Variants in QTMAN observed in about 807,000 individuals in gnomAD.
QTMAN encodes queuosine-tRNA mannosyltransferase, also known as tRNA-queuosine alpha-mannosyltransferase.
At chr2:144,197,889 C>T in the QTMAN span, among the ~76,000 whole-genome samples, 1 of 152,150 alleles carries the variant, frequency 6.6e-6, no homozygotes, top group African/African-American at 2.4e-5. Flanking sequence ...TTATAGCACT[C>T]GTTGGTGTTT....
At chr2:144,300,468 G>A in the QTMAN span, among the ~76,000 whole-genome samples, 1 of 152,108 alleles carries the variant, frequency 6.6e-6, no homozygotes, top group Non-Finnish European at 1.5e-5. Context: ...TTAAAATTGT[G>A]TACAGATGTT....
the QTMAN span, among the ~76,000 whole-genome samples, chr2:144,171,852 T>G: frequency 1.3e-5 from 2 of 152,064 alleles, no homozygotes; most frequent in Non-Finnish European, 2.9e-5. Flanking sequence ...TAGAGAAAAC[T>G]TGGAATTTCC....
At chr2:144,012,030 G>A in the QTMAN span, among the ~76,000 whole-genome samples, 2 of 151,818 alleles carry the variant, frequency 1.3e-5, no homozygotes, top group African/African-American at 4.8e-5. Context: ...AGAAATATTC[G>A]GATTGCCATA....
the QTMAN span, chr2:144,208,612 T>C: frequency 4.3e-6 from 7 of 1,613,098 alleles, no homozygotes; most frequent in Non-Finnish European, 5.1e-6. Flanking sequence ...CCTGTAATGC[T>C]CACTGATGGG....
At chr2:144,042,323 CAATT>C in the QTMAN span, among the ~76,000 whole-genome samples, 1 of 151,970 alleles carries the variant, frequency 6.6e-6, no homozygotes, top group African/African-American at 2.4e-5. Context: ...ATTCCATTGT[CAATT>C]AAGAGAGCTT....
At chr2:144,199,445 T>C in the QTMAN span, among the ~76,000 whole-genome samples, 2 of 152,204 alleles carry the variant, frequency 1.3e-5, no homozygotes, top group African/African-American at 4.8e-5. Flanking sequence ...TATACATACA[T>C]GTCCTATGTC....
At chr2:144,113,230 T>C in the QTMAN span, among the ~76,000 whole-genome samples, 1 of 150,682 alleles carries the variant, frequency 6.6e-6, no homozygotes, top group African/African-American at 2.4e-5. Context: ...AAACAGAAAG[T>C]TTCAGAAAAA....
At chr2:144,062,226 C>T in the QTMAN span, among the ~76,000 whole-genome samples, 2,086 of 152,326 alleles carry the variant, frequency 0.014, 97 homozygotes, top group East Asian at 0.14. Context: ...AGCACTCACC[C>T]CGCCTCCTGC....
chr2:144,254,022 C>A, the QTMAN span, among the ~76,000 whole-genome samples: 3 of 152,242 alleles, frequency 2.0e-5, no homozygotes, highest in Non-Finnish European at 4.4e-5. Context: ...CCAGCCATGG[C>A]TAAAAGGGGC....
At chr2:143,964,121 AC>A in the QTMAN span, 1 of 152,152 alleles carries the variant, frequency 6.6e-6, no homozygotes, top group Non-Finnish European at 1.5e-5. Context: ...TACAATATAA[AC>A]AAGAATGTGA....
At chr2:144,224,169 C>T in the QTMAN span, among the ~76,000 whole-genome samples, 2 of 152,108 alleles carry the variant, frequency 1.3e-5, no homozygotes, top group Non-Finnish European at 2.9e-5. Context: ...AATACTAATC[C>T]TTAATTAGAT....
At chr2:144,073,633 C>T in the QTMAN span, among the ~76,000 whole-genome samples, 1 of 152,188 alleles carries the variant, frequency 6.6e-6, no homozygotes, top group African/African-American at 2.4e-5. Flanking sequence ...ACAAAATCAG[C>T]TCTACTTCTG....
chr2:144,133,427 T>A, the QTMAN span, among the ~76,000 whole-genome samples: 17 of 44,728 alleles, frequency 3.8e-4, 1 homozygote, highest in African/African-American at 2.5e-3. Context: ...ATAATATATA[T>A]AATATATAAT....
chr2:144,133,617 ACT>A, the QTMAN span, among the ~76,000 whole-genome samples: 4 of 138,706 alleles, frequency 2.9e-5, no homozygotes, highest in Non-Finnish European at 1.5e-5. Flanking sequence ...TGACAACCAA[ACT>A]CTCTTTTAAC....
the QTMAN span, among the ~76,000 whole-genome samples, chr2:144,136,209 C>T: frequency 6.6e-6 from 1 of 151,638 alleles, no homozygotes; most frequent in Non-Finnish European, 1.5e-5. Flanking sequence ...CACCTGCAGT[C>T]CCAGCTATCA....
At chr2:144,254,427 A>G in the QTMAN span, among the ~76,000 whole-genome samples, 1 of 152,138 alleles carries the variant, frequency 6.6e-6, no homozygotes, top group African/African-American at 2.4e-5. Flanking sequence ...GTCTCTAAAT[A>G]AATAAATAAA....
chr2:144,145,450 G>A, the QTMAN span: 2 of 592,048 alleles, frequency 3.4e-6, no homozygotes, highest in Admixed American at 6.1e-5. Flanking sequence ...TTAAATATTT[G>A]CACCTACCTT....
chr2:144,263,111 C>T, the QTMAN span, among the ~76,000 whole-genome samples: 3 of 151,840 alleles, frequency 2.0e-5, no homozygotes, highest in African/African-American at 7.3e-5. Flanking sequence ...AAAGCACTTA[C>T]TGCTTGGCAG....
At chr2:144,263,835 G>A in the QTMAN span, among the ~76,000 whole-genome samples, 12 of 152,130 alleles carry the variant, frequency 7.9e-5, no homozygotes, top group Middle Eastern at 3.4e-3. Flanking sequence ...GGCACTATAA[G>A]AGGCAAAAAG....
Sources: gnomAD v4.1 joint callset for allele counts (sites outside exome capture counted in the v4.1 genomes callset) on GRCh38, gnomAD v4.1.1 for gene constraint, MANE v1.5 for transcripts, NCBI Gene and HGNC (gene_info 2026-07-23, HGNC 2026-07-21) for gene names.